MTMR4: variants seen among roughly 807,000 people sequenced by gnomAD.
MTMR4 encodes the protein phosphatidylinositol-3,5-bisphosphate 3-phosphatase MTMR4.
Under a neutral mutation model 125.5 loss-of-function variants are expected in MTMR4, and 30 were observed. The observed-to-expected ratio is 0.24, with a 90% confidence interval of 0.18 to 0.32. MTMR4 has a LOEUF of 0.32. MTMR4 is among the 10% of genes least tolerant of loss of function. The pLI, the probability that MTMR4 is intolerant of heterozygous loss-of-function variation, is 1.00. For synonymous variants in MTMR4, 498 were observed against 564.5 expected (o/e 0.88, Z 1.67); for missense variants, 1,039 against 1,511.5 (o/e 0.69, Z 5.18).
chr17:58,493,745 C>CA (rs573665549), intron 15 of MTMR4, among the ~76,000 whole-genome samples: 4,117 of 129,652 alleles, frequency 0.032, 50 homozygotes, highest in African/African-American at 0.041. Context: ...TGGCCTTTTA[C>CA]AAAAAAAAAA....
chr17:58,518,943 A>G (rs899048045), upstream of MTMR4, among the ~76,000 whole-genome samples: 2 of 152,222 alleles, frequency 1.3e-5, no homozygotes, highest in Non-Finnish European at 2.9e-5. Flanking sequence ...GGTAAGTTCC[A>G]GGAAGACAGG....
At chr17:58,503,373 C>A (rs1345536515) in intron 14 of MTMR4, among the ~76,000 whole-genome samples, 7 of 152,154 alleles carry the variant, frequency 4.6e-5, no homozygotes, top group Non-Finnish European at 1.0e-4. Flanking sequence ...AGAGGCCGGG[C>A]ACGGTGGCTC....
intron 15 of MTMR4, among the ~76,000 whole-genome samples, chr17:58,494,123 G>A (rs1975388505): frequency 6.6e-6 from 1 of 151,518 alleles, no homozygotes; most frequent in Admixed American, 6.6e-5. Flanking sequence ...GACCATCCTG[G>A]CTAACACAGT....
At chr17:58,507,077 A>G (rs1975796936) in intron 8 of MTMR4, 46 bp downstream of exon 8, 1 of 1,607,594 alleles carries the variant, frequency 6.2e-7, no homozygotes, top group Non-Finnish European at 8.5e-7. Flanking sequence ...AATGAAGCCA[A>G]GGAGGGGGCC....
At chr17:58,510,294 C>T (rs867154347) in intron 4 of MTMR4, among the ~76,000 whole-genome samples, 2 of 152,156 alleles carry the variant, frequency 1.3e-5, no homozygotes, top group Admixed American at 6.6e-5. Flanking sequence ...CTCACCCACA[C>T]GTGCTCTACT....
intron 15 of MTMR4, among the ~76,000 whole-genome samples, chr17:58,494,602 A>G (rs1050208885): frequency 6.6e-6 from 1 of 152,138 alleles, no homozygotes; most frequent in African/African-American, 2.4e-5. Flanking sequence ...TCATTGGAGT[A>G]TCTATTGCCA....
Position 58,496,317 on chromosome 17 carries a change from T to C in MTMR4, c.1867A>G (p.Arg623Gly). The stretch of plus-strand genomic sequence containing the variant: ...GCAGAAAGAAGATCATCCATGGATC[T>C]GGTTTTAGGTAATCTGGAAAGACAA... ...GRSLDRLPKT[R>G]SMDDLLSACD... Residue 623 changes from arginine to glycine, a missense_variant, in exon 15 of 18, where the codon AGA becomes GGA. Arg to Gly is a moderately radical substitution (Grantham distance 125). This residue lies in a region of MTMR4 where 619 missense variants were observed against 714.5 expected (regional missense o/e 0.87). Coordinates refer to ENST00000682306, the MANE Select transcript of MTMR4 (RefSeq NM_001378067.1). The C allele has an allele frequency of 1.2e-6, 2 of 1,603,820 alleles. No homozygotes were observed.
intron 14 of MTMR4, among the ~76,000 whole-genome samples, chr17:58,502,958 C>G (rs1321313388): frequency 1.3e-5 from 2 of 152,138 alleles, no homozygotes; most frequent in Non-Finnish European, 2.9e-5. Context: ...CCAGAAGATA[C>G]CTAATTTTAT....
chr17:58,491,572 T>C lies in MTMR4; in HGVS notation c.*91A>G, dbSNP rs950917953. On this transcript the variant is annotated 3_prime_UTR_variant, in exon 18 of 18. Coordinates refer to ENST00000682306, the MANE Select transcript of MTMR4 (RefSeq NM_001378067.1). The stretch of plus-strand genomic sequence containing the variant: ...GATGGTATCTCTGAGCTCTGTGATT[T>C]CATGAGCCACACCAAGGAACCTTCC... The C allele has an allele frequency of 7.6e-7, 1 of 1,312,720 alleles. No homozygotes were observed. Among genetic ancestry groups the C allele is most frequent in the African/African-American group, 1.5e-5 (1 of 67,658 alleles). 81.3% of individuals were successfully genotyped at this position (1,312,720 alleles called of 1,614,324 possible). A position where few individuals can be genotyped will look rare whatever the true frequency, so the allele number is the denominator to read the frequency against.
Position 58,508,532 on chromosome 17 carries a change from G to A in MTMR4, c.529C>T (p.Leu177Phe), listed in dbSNP as rs370947346. Residue 177 changes from leucine (L) to phenylalanine (F), a missense_variant, in exon 6 of 18, where the codon CTT (leucine) becomes TTT (phenylalanine). Around this residue, in one of 6 missense-constraint regions of MTMR4, gnomAD observed 202 missense variants for 311.9 expected, o/e 0.65. Transcript: ENST00000682306. The surrounding 1 kb of genome is among the most constrained non-coding windows in gnomAD (Gnocchi z 4.8). ...EHIRCRQEAE[L>F]ARMGFDLQNV... ...TGCAGGTCAAAGCCCATCCTTGCAA[G>A]CTCCGCCTCCTGTCGACAACGTATG... is the stretch of plus-strand genomic sequence containing the variant. The A allele has an allele frequency of 2.0e-5, 33 of 1,614,238 alleles. No individual in the cohort carries two copies. Among genetic ancestry groups the A allele is most frequent in the Non-Finnish European group, 2.5e-5 (30 of 1,180,040 alleles).
intron 1 of MTMR4, 66 bp from the exon 2 acceptor site, chr17:58,513,007 C>T (rs2143935801): frequency 8.6e-7 from 1 of 1,167,090 alleles, no homozygotes; most frequent in Non-Finnish European, 1.3e-6. Context: ...TTCTGCTCCT[C>T]TCCCCACCAA....
At chr17:58,498,333 G>C (rs968305315) in intron 14 of MTMR4, among the ~76,000 whole-genome samples, 2 of 151,852 alleles carry the variant, frequency 1.3e-5, no homozygotes, top group Admixed American at 1.3e-4. Context: ...CTCATTCTAT[G>C]TGTACCAAAG....
chr17:58,513,726 C>T (rs1197690599), intron 1 of MTMR4, among the ~76,000 whole-genome samples: 1 of 151,572 alleles, frequency 6.6e-6, no homozygotes, highest in Non-Finnish European at 1.5e-5. Context: ...CGGCAGACAC[C>T]CACGGGGAAG....
chr17:58,504,982 A>G lies in MTMR4; in HGVS notation c.1146-8T>C. 6.3e-7 allele frequency: 1 copy of G among 1,591,530 alleles called. No individual in the cohort carries two copies. The highest frequency in any genetic ancestry group is 2.2e-5 in the East Asian group (1 of 44,564). On this transcript the variant is annotated splice_region_variant and splice_polypyrimidine_tract_variant and intron_variant, in intron 10 of 17. Transcript: ENST00000682306. The surrounding 1 kb of genome is among the most constrained non-coding windows in gnomAD (Gnocchi z 7.1). ...TCCAGTGCCGACAACCAGCTACACA[A>G]AAGCAGACATCAAGTCGGTCACAAA...
intron 7 of MTMR4, 29 bp from the exon 8 acceptor site, chr17:58,507,348 C>T (rs1173593383): frequency 6.2e-7 from 1 of 1,600,072 alleles, no homozygotes; most frequent in South Asian, 1.1e-5. Flanking sequence ...CCGTAATGCC[C>T]TTGGCATTCG....
At chr17:58,494,856 C>A (rs368875419) in intron 15 of MTMR4, 76 bp downstream of exon 15, 1 of 1,404,994 alleles carries the variant, frequency 7.1e-7, no homozygotes, top group Non-Finnish European at 9.8e-7. Context: ...AAGTACCCAA[C>A]GAATAAATGC....
intron 3 of MTMR4, 105 bp from the exon 4 acceptor site, chr17:58,511,616 C>T: frequency 1.1e-6 from 1 of 908,830 alleles, no homozygotes. Flanking sequence ...AGGAAACCAA[C>T]ATTTACTGAG....
At position 58,492,997 on chromosome 17, in the gene MTMR4, C is replaced by T. The variant is rs370455237; in HGVS notation, c.3253-45G>A. 569 of 1,488,224 alleles carry T rather than the reference C, an allele frequency of 3.8e-4. 1 individual carries two copies. Among genetic ancestry groups the T allele is most frequent in the Non-Finnish European group, 4.8e-4 (511 of 1,066,078 alleles). The allele number at this position is 1,488,224 out of a possible 1,614,324, so 92.2% of individuals were successfully genotyped here. A position where few individuals can be genotyped will look rare whatever the true frequency, so the allele number is the denominator to read the frequency against. ...AACAAATTATCTTCATCATCATTAA[C>T]GCTTACTGTTTACCATGTGTCAGGC... On this transcript the variant is annotated intron_variant, in intron 15 of 17. Coordinates refer to ENST00000682306, the MANE Select transcript of MTMR4 (RefSeq NM_001378067.1).
chr17:58,508,431 T>C lies in MTMR4; in HGVS notation c.593+37A>G, dbSNP rs749480698. The C allele has an allele frequency of 6.2e-6, 10 of 1,602,024 alleles. No individual in the cohort carries two copies. Among genetic ancestry groups the C allele is most frequent in the Non-Finnish European group, 8.6e-6 (10 of 1,169,082 alleles). Reference sequence around the variant, plus strand: ...CACTTTATCCAAACACGGAAGTAGTTTGGTGTGGAAGGTGTTTTGGTCCCC... The same window carrying C: ...CACTTTATCCAAACACGGAAGTAGTCTGGTGTGGAAGGTGTTTTGGTCCCC... On this transcript the variant is annotated intron_variant, in intron 6 of 17. Coordinates refer to ENST00000682306, the MANE Select transcript of MTMR4 (RefSeq NM_001378067.1). This position sits in a 1 kb window ranked among gnomAD's most constrained non-coding sequence, Gnocchi z 4.8.
Sources: allele counts gnomAD v4.1 joint callset (sites outside exome capture counted in the v4.1 genomes callset), GRCh38; gene constraint gnomAD v4.1.1; regional missense constraint gnomAD v4.1.1; non-coding constraint Gnocchi (gnomAD v3.1); transcripts MANE v1.5; gene names NCBI Gene and HGNC (gene_info 2026-07-23, HGNC 2026-07-21).